CALCRL: variants seen among roughly 807,000 people sequenced by gnomAD.
CALCRL encodes calcitonin gene-related peptide type 1 receptor.
In CALCRL, 27 loss-of-function variants were observed where a neutral mutation model predicts 60.4. That is an observed-to-expected ratio of 0.45 (90% confidence interval 0.33 to 0.62). The LOEUF is 0.62. Among genes scored for constraint, CALCRL ranks in the 20% least tolerant of loss-of-function variants. The pLI, the probability that CALCRL is intolerant of heterozygous loss-of-function variation, is 0.03. For missense variants in CALCRL, 424 were observed against 540.7 expected (o/e 0.78, Z 2.14); for synonymous variants, 190 against 182.6 (o/e 1.04, Z -0.33).
At chr2:187,393,799 G>A (rs1444653925) in intron 1 of CALCRL, among the ~76,000 whole-genome samples, 4 of 151,984 alleles carry the variant, frequency 2.6e-5, no homozygotes, top group African/African-American at 9.7e-5. Flanking sequence ...AAAAATTTCT[G>A]ATTCAGGTCA....
In CALCRL at chr2:187,346,335, T is replaced by A. The variant is rs922393729; in HGVS notation, c.1235A>T (p.Asn412Ile). ...YKIQFGNSFS[N>I]SEALRSASYT... ...AGACGCACTACGAAGAGCTTCTGAG[T>A]TGGAAAAGCTGTTTCCAAATTGGAT... The change falls in exon 15 of 15, where the codon AAC becomes ATC. Residue 412 changes from asparagine to isoleucine, a missense_variant. Physicochemically the swap from Asn to Ile is moderately radical, Grantham distance 149 (BLOSUM62 -3). This residue lies in a region of CALCRL where 222 missense variants were observed against 265.6 expected (regional missense o/e 0.84). Coordinates refer to ENST00000392370, the MANE Select transcript of CALCRL (RefSeq NM_005795.6). 1.2e-6 allele frequency: 2 copies of A among 1,612,270 alleles called. No individual in the cohort carries two copies. Among genetic ancestry groups the A allele is most frequent in the African/African-American group, 1.3e-5 (1 of 74,778 alleles).
intron 1 of CALCRL, 26 bp from the exon 2 acceptor site, chr2:187,387,782 T>G (rs1688268456): frequency 2.5e-6 from 1 of 394,924 alleles, no homozygotes; most frequent in Admixed American, 4.4e-5. Flanking sequence ...ATGTAATAAT[T>G]TAATATTATG....
chr2:187,426,965 G>C (rs905625432), intron 1 of CALCRL, among the ~76,000 whole-genome samples: 2 of 152,114 alleles, frequency 1.3e-5, no homozygotes, highest in African/African-American at 4.8e-5. Context: ...AAGCTCACAT[G>C]TCCTTTTGAA....
intron 8 of CALCRL, among the ~76,000 whole-genome samples, chr2:187,377,589 G>A (rs1687809833): frequency 6.6e-6 from 1 of 152,050 alleles, no homozygotes; most frequent in Admixed American, 6.6e-5. Flanking sequence ...TAGACCCTTT[G>A]ACCAAGAAAT....
chr2:187,407,252 A>G (rs934091578), intron 1 of CALCRL, among the ~76,000 whole-genome samples: 7 of 152,122 alleles, frequency 4.6e-5, no homozygotes, highest in Non-Finnish European at 1.0e-4. Flanking sequence ...ATAATTATCC[A>G]TTACAAATAT....
intron 1 of CALCRL, among the ~76,000 whole-genome samples, chr2:187,388,574 C>T (rs1688300676): frequency 6.6e-6 from 1 of 152,226 alleles, no homozygotes; most frequent in Non-Finnish European, 1.5e-5. Flanking sequence ...GTTCCCAACT[C>T]ATGGCATACT....
At chr2:187,432,391 G>A (rs1026645038) in intron 1 of CALCRL, among the ~76,000 whole-genome samples, 3 of 152,020 alleles carry the variant, frequency 2.0e-5, no homozygotes, top group African/African-American at 7.2e-5. Context: ...CATTTGAAAG[G>A]CTTTTAATGA....
intron 9 of CALCRL, among the ~76,000 whole-genome samples, chr2:187,362,949 C>T (rs995369458): frequency 7.9e-5 from 12 of 151,912 alleles, no homozygotes; most frequent in Non-Finnish European, 1.6e-4. Flanking sequence ...TACTATTTTT[C>T]GAATTACGCA....
In CALCRL at chr2:187,345,184, T is replaced by C. The variant is rs1686226796; in HGVS notation, c.*1000A>G. 1 of 152,170 alleles carries C rather than the reference T, an allele frequency of 6.6e-6. No individual in the cohort carries two copies. The highest frequency in any genetic ancestry group is 2.4e-5 in the African/African-American group (1 of 41,368). The allele number at this position is 152,170 out of a possible 1,614,324, so 9.4% of individuals were successfully genotyped here. ...TTAACATACACACATTGTTGCATTA[T>C]ATATTTGCTTTAAAAATTACATAGG... is the stretch of plus-strand genomic sequence containing the variant. On this transcript the variant is annotated 3_prime_UTR_variant, in exon 15 of 15. Transcript: ENST00000392370.
intron 14 of CALCRL, among the ~76,000 whole-genome samples, chr2:187,349,088 T>C (rs932508658): frequency 1.3e-5 from 2 of 151,652 alleles, no homozygotes; most frequent in African/African-American, 4.8e-5. Flanking sequence ...TACGTAGTTC[T>C]CATGAAAGAA....
intron 1 of CALCRL, among the ~76,000 whole-genome samples, chr2:187,433,063 T>C (rs187743146): frequency 2.0e-5 from 3 of 152,150 alleles, no homozygotes; most frequent in Admixed American, 2.0e-4. Flanking sequence ...CATATCCCAA[T>C]CCTTAAGTGA....
At chr2:187,392,819 T>C (rs1163550523) in intron 1 of CALCRL, among the ~76,000 whole-genome samples, 1 of 152,090 alleles carries the variant, frequency 6.6e-6, no homozygotes, top group Non-Finnish European at 1.5e-5. Flanking sequence ...TCCTCTCACT[T>C]TGGTTCCCCG....
intron 7 of CALCRL, 46 bp from the exon 8 acceptor site, chr2:187,379,077 A>T: frequency 1.1e-6 from 1 of 901,464 alleles, no homozygotes; most frequent in Non-Finnish European, 1.8e-6. Context: ...TCAATACTAT[A>T]AGTATCTGTA....
In CALCRL at chr2:187,342,369, C is replaced by T. The variant is rs1226075769; in HGVS notation, c.*3815G>A. 6.6e-6 allele frequency among the ~76,000 whole-genome samples: 1 copy of T among 151,598 alleles called. No homozygotes were observed. On this transcript the variant is annotated 3_prime_UTR_variant, in exon 15 of 15. Transcript: ENST00000392370. ...TATTAAAATATACTCTACTAATATA[C>T]TAAAAACTGCTTTGAATATGAAGTA...
chr2:187,359,379 A>C, intron 10 of CALCRL, 107 bp from the exon 11 acceptor site: 4 of 706,172 alleles, frequency 5.7e-6, no homozygotes, highest in Non-Finnish European at 9.3e-6. Flanking sequence ...AGGAGCAAAA[A>C]AACTAGCCAC....
intron 8 of CALCRL, among the ~76,000 whole-genome samples, chr2:187,374,956 A>C (rs1203111789): frequency 6.6e-6 from 1 of 152,158 alleles, no homozygotes; most frequent in Non-Finnish European, 1.5e-5. Flanking sequence ...CCCATGTCTT[A>C]ATCATTGTAT....
chr2:187,377,320 T>C (rs535183254), intron 8 of CALCRL, among the ~76,000 whole-genome samples: 6 of 152,154 alleles, frequency 3.9e-5, no homozygotes, highest in Admixed American at 3.3e-4. Flanking sequence ...TGGAATAGAT[T>C]AGAAGGGTTT....
rs545798773 is a variant in CALCRL at position 187,389,768 on chromosome 2, T to C, written c.-292-2012A>G. 2.4e-4 allele frequency among the ~76,000 whole-genome samples: 37 copies of C among 152,278 alleles called. No homozygotes were observed. The South Asian group carries it at 6.8e-3, about 28-fold the overall frequency. Reference sequence around the variant, plus strand: ...AAGTAAATTTTAAAGAACTAAAGTATGGCAAAAAGCCTTTTGAATTAAACT... The same window carrying C: ...AAGTAAATTTTAAAGAACTAAAGTACGGCAAAAAGCCTTTTGAATTAAACT... On this transcript the variant is annotated intron_variant, in intron 1 of 14. Transcript: ENST00000392370.
rs112803437 is a variant in CALCRL, at chr2:187,359,298, T to G, written c.782-26A>C. 4.1e-4 allele frequency: 594 copies of G among 1,453,656 alleles called. 1 individual carries two copies. In the African/African-American group the frequency reaches 7.3e-3, roughly 18 times the overall value. 90.0% of individuals were successfully genotyped at this position (1,453,656 alleles called of 1,614,324 possible). A position where few individuals can be genotyped will look rare whatever the true frequency, so the allele number is the denominator to read the frequency against. On this transcript the variant is annotated intron_variant, in intron 10 of 14. Coordinates refer to ENST00000392370, the MANE Select transcript of CALCRL (RefSeq NM_005795.6). ...CTGTAATAACAAAAAAAAAAGAAAA[T>G]AAATAGGCATTTTTTCTACAGATGG...
Sources: allele counts gnomAD v4.1 joint callset (sites outside exome capture counted in the v4.1 genomes callset), GRCh38; gene constraint gnomAD v4.1.1; regional missense constraint gnomAD v4.1.1; transcripts MANE v1.5; gene names NCBI Gene and HGNC (gene_info 2026-07-23, HGNC 2026-07-21).